SCRIB: variants seen among roughly 807,000 people sequenced by gnomAD.
The protein encoded by SCRIB is protein scribble homolog.
SCRIB carries 72 observed loss-of-function variants against 170.0 expected under a neutral mutation model. The ratio of observed to expected loss-of-function variants is 0.42; its 90% CI spans 0.35 to 0.52. The LOEUF (loss-of-function observed/expected upper bound fraction) is 0.52, where lower values mean the gene tolerates loss of function less well. SCRIB is among the 20% of genes least tolerant of loss of function. The pLI is 0.02. For missense variants in SCRIB, 2,475 were observed against 2,338.5 expected (o/e 1.06, Z -1.20); for synonymous variants, 1,298 against 1,044.3 (o/e 1.24, Z -4.68).
Position 143,796,280 on chromosome 8 carries a change from A to G in SCRIB, c.3604-750T>C, listed in dbSNP as rs150467928. On this transcript the variant is annotated intron_variant, in intron 24 of 36. Transcript: ENST00000356994. ...ACTGCTTCAAACCTCCACCCCCAGC[A>G]GCAGCCAGAAGCAGCGGAGGAGGCA... Among the ~76,000 whole-genome samples, 650 of 152,322 alleles carry G rather than the reference A, an allele frequency of 4.3e-3. 10 individuals carry two copies. In the South Asian group the frequency reaches 0.053, roughly 12 times the overall value.
Position 143,808,999 on chromosome 8 carries a change from T to C in SCRIB, c.1725A>G (p.Ala575=), listed in dbSNP as rs769245103. 14 of 1,612,782 alleles carry C rather than the reference T, an allele frequency of 8.7e-6. No individual in the cohort carries two copies. In the East Asian group the frequency reaches 2.0e-4, roughly 23 times the overall value. Reference sequence around the variant, plus strand: ...TCTCCCTGTCATCCCCGGGCAGCAGTGCGTCCTCTGCGAAATGCACCGTGG... The same window carrying C: ...TCTCCCTGTCATCCCCGGGCAGCAGCGCGTCCTCTGCGAAATGCACCGTGG... The part of the protein sequence containing the change: ...QEPTVHFAED[A]LLPGDDREIE... Residue 575 remains alanine (A), a synonymous_variant, in exon 15 of 37, where the codon GCA becomes GCG. Coordinates refer to ENST00000356994, the MANE Select transcript of SCRIB (RefSeq NM_182706.5).
intron 28 of SCRIB, chr8:143,793,408 G>C (rs983600702): frequency 3.3e-6 from 1 of 298,674 alleles, no homozygotes; most frequent in South Asian, 1.2e-4. Context: ...GCAAGGGACG[G>C]GGGTAGAGAG....
rs1297733313 is a variant in SCRIB, at chr8:143,815,588, C to T, written c.-216G>A. ...GGCCTGGGCAGGGGGCGCGGCCCGG[C>T]GGGTCTCAGACTCTTAGGAAGCGCG... is the stretch of plus-strand genomic sequence containing the variant. On this transcript the variant is annotated 5_prime_UTR_variant, in exon 1 of 37. Transcript: ENST00000356994. 76 of 981,574 alleles carry T rather than the reference C, an allele frequency of 7.7e-5. No homozygotes were observed. Among genetic ancestry groups the T allele is most frequent in the Non-Finnish European group, 9.1e-5 (75 of 828,444 alleles). The allele number at this position is 981,574 out of a possible 1,614,324, so 60.8% of individuals were successfully genotyped here.
Position 143,806,861 on chromosome 8 carries a change from T to G in SCRIB, c.2268+63A>C. 5 of 1,153,568 alleles carry G rather than the reference T, an allele frequency of 4.3e-6. 1 individual carries two copies. The highest frequency in any genetic ancestry group is 5.0e-6 in the Non-Finnish European group (4 of 796,992). The allele number at this position is 1,153,568 out of a possible 1,614,324, so 71.5% of individuals were successfully genotyped here. A position where few individuals can be genotyped will look rare whatever the true frequency, so the allele number is the denominator to read the frequency against. On this transcript the variant is annotated intron_variant, in intron 17 of 36. Transcript: ENST00000356994. Reference sequence around the variant, plus strand: ...CTCAGGGCAAGGGGCCTGTGTGCCATCAGTGTGAACTGTGGTGGGGCAGGC... The same window carrying G: ...CTCAGGGCAAGGGGCCTGTGTGCCAGCAGTGTGAACTGTGGTGGGGCAGGC...
intron 4 of SCRIB, 45 bp downstream of exon 4, chr8:143,813,592 C>G: frequency 6.2e-7 from 1 of 1,612,072 alleles, no homozygotes; most frequent in Non-Finnish European, 8.5e-7. Flanking sequence ...CAGGGCCAAT[C>G]CTGGTCCCCC....
In SCRIB at chr8:143,803,838, C is replaced by T. The variant is rs782401100; in HGVS notation, c.3223G>A (p.Val1075Ile). The T allele has an allele frequency of 6.2e-7, 1 of 1,604,080 alleles. No individual in the cohort carries two copies. The highest frequency in any genetic ancestry group is 1.1e-5 in the South Asian group (1 of 90,100). Residue 1075 changes from valine (V) to isoleucine (I), a missense_variant, in exon 23 of 37, where the codon GTC (valine) becomes ATC (isoleucine). This residue lies in a region of SCRIB where 1,966 missense variants were observed against 1,742.9 expected (regional missense o/e 1.13). Transcript: ENST00000356994. ...AGGCAGGGCCGGAGCAGGGCACTGA[C>T]TGCTTCTTGGTGCGTGGCATCCCGC... ...DVRDATHQEA[V>I]SALLRPCLEL...
Position 143,804,836 on chromosome 8 carries a change from G to C in SCRIB, c.2752-11C>G. On this transcript the variant is annotated splice_polypyrimidine_tract_variant and intron_variant, in intron 20 of 36. Coordinates refer to ENST00000356994, the MANE Select transcript of SCRIB (RefSeq NM_182706.5). ...GTCCACTCCATTAATCTGTGAGAGC[G>C]TGCCCGAATCAGGGAGGCCCAAGGG... 1 of 1,473,864 alleles carries C rather than the reference G, an allele frequency of 6.8e-7. No homozygotes were observed. The highest frequency in any genetic ancestry group is 9.0e-7 in the Non-Finnish European group (1 of 1,105,388). The allele number at this position is 1,473,864 out of a possible 1,614,324, so 91.3% of individuals were successfully genotyped here. A position where few individuals can be genotyped will look rare whatever the true frequency, so the allele number is the denominator to read the frequency against.
In SCRIB at chr8:143,792,059, C is replaced by T. The variant is rs782189995; in HGVS notation, c.4589G>A (p.Arg1530Gln). The T allele has an allele frequency of 2.9e-5, 46 of 1,588,994 alleles. No homozygotes were observed. Among genetic ancestry groups the T allele is most frequent in the Non-Finnish European group, 3.5e-5 (41 of 1,172,928 alleles). Residue 1530 changes from arginine to glutamine, a missense_variant, in exon 33 of 37, where the codon CGG (arginine) becomes CAG (glutamine). By Grantham distance (43) the Arg-to-Gln change is conservative. Around this residue, in one of 3 missense-constraint regions of SCRIB, gnomAD observed 1,966 missense variants for 1,742.9 expected, o/e 1.13. Coordinates refer to ENST00000356994, the MANE Select transcript of SCRIB (RefSeq NM_182706.5). ...CTCGGCCAGTCGCTCCAGGGGCCCC[C>T]GCGTGCCCCGGCCTTCCTGGGACCT... ...LSRSQEGRGT[R>Q]GPLERLAEAP...
intron 9 of SCRIB, among the ~76,000 whole-genome samples, chr8:143,811,845 T>C (rs4875059): frequency 2.0e-5 from 3 of 152,116 alleles, no homozygotes; most frequent in Non-Finnish European, 4.4e-5. Context: ...TTTCCCAGCC[T>C]GGGGATGGGG....
Position 143,813,118 on chromosome 8 carries a change from C to G in SCRIB, c.568-14G>C. ...CAGAGTGTCTGGCTGCAAGAAGGAA[C>G]AGAGAAAATAGTGACTATGAGGCAA... On this transcript the variant is annotated splice_polypyrimidine_tract_variant and intron_variant, in intron 6 of 36. Coordinates refer to ENST00000356994, the MANE Select transcript of SCRIB (RefSeq NM_182706.5). 3 of 1,572,938 alleles carry G rather than the reference C, an allele frequency of 1.9e-6. No homozygotes were observed. Among genetic ancestry groups the G allele is most frequent in the South Asian group, 1.1e-5 (1 of 87,354 alleles).
chr8:143,814,499 G>A lies in SCRIB; in HGVS notation c.160-381C>T, dbSNP rs544801761. Among the ~76,000 whole-genome samples, 98 of 152,178 alleles carry A rather than the reference G, an allele frequency of 6.4e-4. 1 individual carries two copies. The highest frequency in any genetic ancestry group is 2.6e-3 in the Admixed American group (39 of 15,294). The stretch of plus-strand genomic sequence containing the variant: ...TGCATCCTGACAACAAGCCTGGCCT[G>A]GTTCTGCAGCAAGAACTCAGTAAAC... On this transcript the variant is annotated intron_variant, in intron 1 of 36. Coordinates refer to ENST00000356994, the MANE Select transcript of SCRIB (RefSeq NM_182706.5).
intron 6 of SCRIB, 96 bp from the exon 7 acceptor site, chr8:143,813,200 C>T (rs1035208011): frequency 1.8e-5 from 28 of 1,586,550 alleles, no homozygotes; most frequent in African/African-American, 1.1e-4. Context: ...AGCTCCCACC[C>T]GCCTGCCCTC....
rs782145722 is a variant in SCRIB, at chr8:143,807,626, G to A, written c.2116-12C>T. Reference sequence around the variant, plus strand: ...TCAAACGACACTCCCTGTTAGGACAGGACCAGTGAGGCATGCAGGTTAGCC... The same window carrying A: ...TCAAACGACACTCCCTGTTAGGACAAGACCAGTGAGGCATGCAGGTTAGCC... On this transcript the variant is annotated splice_polypyrimidine_tract_variant and intron_variant, in intron 15 of 36. Transcript: ENST00000356994. 5.0e-6 allele frequency: 8 copies of A among 1,611,590 alleles called. No homozygotes were observed. The highest frequency in any genetic ancestry group is 6.8e-6 in the Non-Finnish European group (8 of 1,177,794).
At chr8:143,795,573 G>A (rs782125438) in intron 24 of SCRIB, 43 bp from the exon 25 acceptor site, 42 of 1,514,320 alleles carry the variant, frequency 2.8e-5, no homozygotes, top group East Asian at 2.4e-4. Flanking sequence ...ACTGCAACCC[G>A]GGGTCCCACC....
chr8:143,793,358 G>C (rs568578275), intron 28 of SCRIB: 4 of 402,334 alleles, frequency 9.9e-6, no homozygotes, highest in Non-Finnish European at 1.8e-5. Context: ...AGGCAGGTGG[G>C]GGCGGCGGGG....
chr8:143,812,425 C>A, intron 8 of SCRIB, 41 bp from the exon 9 acceptor site: 1 of 1,449,618 alleles, frequency 6.9e-7, no homozygotes, highest in Non-Finnish European at 9.7e-7. Context: ...GAGCATGGTC[C>A]CCAGACGTGC....
rs1159732380 is a variant in SCRIB, at chr8:143,811,363, G to GTCAGAGGACGCTAGGGGC, written c.907-36_907-19dup. On this transcript the variant is annotated intron_variant, in intron 9 of 36. Coordinates refer to ENST00000356994, the MANE Select transcript of SCRIB (RefSeq NM_182706.5). ...GGCAGGGCCTGGCCAAGAAGAGGAG[G>GTCAGAGGACGCTAGGGGC]TCAGAGGACGCTAGGGGCTTGCTGG... The GTCAGAGGACGCTAGGGGC allele has an allele frequency of 1.9e-6, 3 of 1,607,204 alleles. No individual in the cohort carries two copies. The highest frequency in any genetic ancestry group is 1.1e-5 in the South Asian group (1 of 90,730).
In SCRIB at chr8:143,805,304, C is replaced by T. The variant is rs1208593386; in HGVS notation, c.2478G>A (p.Thr826=). 5 of 1,547,766 alleles carry T rather than the reference C, an allele frequency of 3.2e-6. No individual in the cohort carries two copies. The highest frequency in any genetic ancestry group is 4.8e-5 in the East Asian group (2 of 41,276). ...TGTAATCATCCTCGGGCCGCAGCGG[C>T]GTGATGGTGACCGCGTTCTCAGGCT... ...MVEPENAVTI[T]PLRPEDDYSP... is the part of the protein sequence containing the mutation. Residue 826 remains threonine, a synonymous_variant, in exon 19 of 37, where the codon ACG becomes ACA. Transcript: ENST00000356994.
intron 18 of SCRIB, 110 bp from the exon 19 acceptor site, chr8:143,805,545 G>A (rs1315111652): frequency 1.2e-5 from 13 of 1,113,196 alleles, no homozygotes; most frequent in African/African-American, 9.9e-5. Flanking sequence ...GGCACAGGGC[G>A]AGGGGAAAGG....
Sources: allele counts gnomAD v4.1 joint callset (sites outside exome capture counted in the v4.1 genomes callset), GRCh38; gene constraint gnomAD v4.1.1; regional missense constraint gnomAD v4.1.1; transcripts MANE v1.5; gene names NCBI Gene and HGNC (gene_info 2026-07-23, HGNC 2026-07-21).